Variants in ANKRD30B observed in about 807,000 individuals in gnomAD.
ANKRD30B encodes ankyrin repeat domain-containing protein 30B.
In ANKRD30B, 144 loss-of-function variants were observed where a neutral mutation model predicts 202.2. The observed-to-expected ratio is 0.71, with a 90% confidence interval of 0.62 to 0.82. The LOEUF (loss-of-function observed/expected upper bound fraction) is 0.82. Among genes scored for constraint, ANKRD30B ranks in the 40% least tolerant of loss-of-function variants. The probability of loss-of-function intolerance (pLI) is 0.00; values close to 1 mark genes in which losing one functional copy is unlikely to be tolerated. For synonymous variants in ANKRD30B, 508 were observed against 561.3 expected (o/e 0.91, Z 1.34); for missense variants, 1,487 against 1,669.1 (o/e 0.89, Z 1.90).
At chr18:14,770,194 T>G (rs1044700455) in intron 8 of ANKRD30B, among the ~76,000 whole-genome samples, 6 of 152,128 alleles carry the variant, frequency 3.9e-5, no homozygotes, top group African/African-American at 1.4e-4. Flanking sequence ...GTTCTTTTCT[T>G]CTATTGTTTT....
intron 6 of ANKRD30B, among the ~76,000 whole-genome samples, chr18:14,762,172 GA>G (rs1915365372): frequency 6.6e-6 from 1 of 152,204 alleles, no homozygotes; most frequent in Admixed American, 6.5e-5. Flanking sequence ...CTGATAAGGA[GA>G]AGGCAGAGGA....
chr18:14,864,512 C>G, the ANKRD30B span, among the ~76,000 whole-genome samples: 1 of 151,920 alleles, frequency 6.6e-6, no homozygotes, highest in Admixed American at 6.6e-5. Flanking sequence ...TACCCCAAAA[C>G]TTTTTCCCCA....
the ANKRD30B span, among the ~76,000 whole-genome samples, chr18:14,903,057 G>A: frequency 6.6e-6 from 1 of 152,284 alleles, no homozygotes; most frequent in East Asian, 1.9e-4. Context: ...TTTTGGGAGA[G>A]CTGCACTCCT....
Position 14,764,083 on chromosome 18 carries a change from T to A in ANKRD30B, c.1218T>A (p.Ser406Arg). The A allele has an allele frequency of 6.6e-7, 1 of 1,516,854 alleles. No individual in the cohort carries two copies. 94.0% of individuals were successfully genotyped at this position (1,516,854 alleles called of 1,614,324 possible). Residue 406 changes from serine (S) to arginine (R), a missense_variant, in exon 7 of 44, where the codon AGT becomes AGA. Ser to Arg is a moderately radical substitution (Grantham distance 110). This residue lies in a region of ANKRD30B where 889 missense variants were observed against 841.4 expected (regional missense o/e 1.06). Transcript: ENST00000690538. ...CPTKETSTKASTNVDVSSVEP... is the reference protein window; with the variant it reads ...CPTKETSTKARTNVDVSSVEP... ...CAAAAGAAACATCTACAAAAGCAAGTACAAATGGTAAGATGCTTGAGTGAA... is the reference window on the plus strand; with the variant it reads ...CAAAAGAAACATCTACAAAAGCAAGAACAAATGGTAAGATGCTTGAGTGAA...
intron 28 of ANKRD30B, among the ~76,000 whole-genome samples, chr18:14,811,312 C>A (rs1289639208): frequency 1.9e-4 from 29 of 150,948 alleles, no homozygotes; most frequent in African/African-American, 6.9e-4. Flanking sequence ...CCCGGCTTCA[C>A]GCCATTCTCC....
At chr18:14,879,097 G>A in the ANKRD30B span, among the ~76,000 whole-genome samples, 1 of 151,850 alleles carries the variant, frequency 6.6e-6, no homozygotes, top group Non-Finnish European at 1.5e-5. Flanking sequence ...AGGCAGAGCA[G>A]TGTTCTCCTC....
chr18:14,799,267 AT>A lies in ANKRD30B; in HGVS notation c.2105del (p.Leu702Ter), dbSNP rs778343037. ...TTTCTCTTCCAAATAAAGCTTTAGA[AT>A]TGAAGGACAGAGAAACATTCAAAGC... ...KVSLPNKALELKDRETFKAAQ... is the reference protein window; with the variant it reads ...KVSLPNKALEXKDRETFKAAQ... On this transcript the variant is annotated frameshift_variant, in exon 22 of 44. Transcript: ENST00000690538. LOFTEE classifies it high-confidence loss of function. The A allele has an allele frequency of 8.4e-6, 13 of 1,548,468 alleles. No individual in the cohort carries two copies.
chr18:14,761,694 C>T (rs1915286548), intron 6 of ANKRD30B, among the ~76,000 whole-genome samples: 1 of 152,134 alleles, frequency 6.6e-6, no homozygotes, highest in Non-Finnish European at 1.5e-5. Context: ...ACACAATAAG[C>T]TATGAAGAAA....
At chr18:14,779,070 A>C (rs1446793459) in intron 10 of ANKRD30B, among the ~76,000 whole-genome samples, 1 of 152,182 alleles carries the variant, frequency 6.6e-6, no homozygotes, top group South Asian at 2.1e-4. Flanking sequence ...TTGGCTAAGG[A>C]AGAGGGATTG....
chr18:14,793,908 AT>A (rs1303734797), intron 16 of ANKRD30B, among the ~76,000 whole-genome samples: 2 of 151,772 alleles, frequency 1.3e-5, no homozygotes, highest in Admixed American at 6.6e-5. Context: ...AAAAAAAAAA[AT>A]CATAGTGTGC....
At chr18:14,841,567 A>T (rs1168998723) in intron 37 of ANKRD30B, among the ~76,000 whole-genome samples, 1 of 152,232 alleles carries the variant, frequency 6.6e-6, no homozygotes, top group Non-Finnish European at 1.5e-5. Flanking sequence ...CAGATGTCAG[A>T]TACTACCCTA....
At chr18:14,867,846 G>A in the ANKRD30B span, among the ~76,000 whole-genome samples, 1 of 152,238 alleles carries the variant, frequency 6.6e-6, no homozygotes, top group Non-Finnish European at 1.5e-5. Flanking sequence ...CAGCCACCCA[G>A]TGGCCAGCAT....
chr18:14,901,363 A>G, the ANKRD30B span, among the ~76,000 whole-genome samples: 10 of 152,224 alleles, frequency 6.6e-5, no homozygotes, highest in African/African-American at 1.9e-4. Flanking sequence ...ATACCATTGG[A>G]TTAGGTAAAA....
chr18:14,888,645 A>T, the ANKRD30B span: 1 of 430,442 alleles, frequency 2.3e-6, no homozygotes, highest in African/African-American at 2.1e-5. Flanking sequence ...TTTGAGAAGA[A>T]AACAGTCCAC....
At chr18:14,861,382 CAT>C in the ANKRD30B span, among the ~76,000 whole-genome samples, 14 of 151,916 alleles carry the variant, frequency 9.2e-5, no homozygotes, top group African/African-American at 2.7e-4. Context: ...AGACCCATCT[CAT>C]GTGTAATGAT....
In ANKRD30B at chr18:14,758,819, C is replaced by G. The variant is rs556666020; in HGVS notation, c.755+867C>G. On this transcript the variant is annotated intron_variant, in intron 5 of 43. Transcript: ENST00000690538. ...TGTACGACAGGTTGAAATACTGTTA[C>G]AGGAAGAAATTAGAGATCCATTTTT... Among the ~76,000 whole-genome samples, 3 of 152,280 alleles carry G rather than the reference C, an allele frequency of 2.0e-5. No individual in the cohort carries two copies. The South Asian group carries it at 6.2e-4, about 32-fold the overall frequency.
chr18:14,867,422 T>TCTTC, the ANKRD30B span, among the ~76,000 whole-genome samples: 1 of 151,948 alleles, frequency 6.6e-6, no homozygotes. Context: ...GCCCTTCTCC[T>TCTTC]CTTCCTGGAC....
the ANKRD30B span, among the ~76,000 whole-genome samples, chr18:14,923,440 G>A: frequency 3.9e-5 from 6 of 152,170 alleles, no homozygotes; most frequent in Non-Finnish European, 7.3e-5. Flanking sequence ...GGAGAGAAGA[G>A]TGAGAAGGAC....
rs1971888389 is a variant in ANKRD30B, at chr18:14,851,597, C to A, written c.3653C>A (p.Ala1218Asp). The A allele has an allele frequency of 4.3e-6, 7 of 1,609,554 alleles. No homozygotes were observed. The highest frequency in any genetic ancestry group is 5.1e-6 in the Non-Finnish European group (6 of 1,178,284). Residue 1218 changes from alanine to aspartate, a missense_variant, in exon 42 of 44, where the codon GCC (alanine) becomes GAC (aspartate). By Grantham distance (126) the Ala-to-Asp change is moderately radical. Transcript: ENST00000690538. ...ATTGCCATGCTAAAACTGGAAGTAG[C>A]CACACTGAAACATCAACACCAGGTG... Reference protein sequence around the residue: ...KEIAMLKLEVATLKHQHQVKE... With the variant: ...KEIAMLKLEVDTLKHQHQVKE...
Sources: gnomAD v4.1 joint callset for allele counts (sites outside exome capture counted in the v4.1 genomes callset) on GRCh38, gnomAD v4.1.1 for gene constraint, gnomAD v4.1.1 regional missense constraint, MANE v1.5 for transcripts, NCBI Gene and HGNC (gene_info 2026-07-23, HGNC 2026-07-21) for gene names.